TOP3B: variants seen among roughly 807,000 people sequenced by gnomAD.
TOP3B encodes the protein DNA topoisomerase 3-beta-1.
In TOP3B, 45 loss-of-function variants were observed where a neutral mutation model predicts 93.9. The ratio of observed to expected loss-of-function variants is 0.48; its 90% confidence interval spans 0.38 to 0.61. The LOEUF (loss-of-function observed/expected upper bound fraction) is 0.61, where lower values mean the gene tolerates loss of function less well. TOP3B is among the 20% of genes least tolerant of loss of function. The pLI is 0.00. For missense variants in TOP3B, 750 were observed against 1,156.1 expected (o/e 0.65, Z 5.09); for synonymous variants, 357 against 472.6 (o/e 0.76, Z 3.17).
At chr22:21,966,913 G>A (rs1359563276) in intron 8 of TOP3B, 1 of 152,770 alleles carries the variant, frequency 6.5e-6, no homozygotes, top group Non-Finnish European at 1.5e-5. Flanking sequence ...AGTTTCAGAT[G>A]CCTGAGACGA....
At chr22:21,968,594 G>A in intron 7 of TOP3B, 25 bp downstream of exon 7, 5 of 1,612,924 alleles carry the variant, frequency 3.1e-6, no homozygotes, top group Non-Finnish European at 4.2e-6. Flanking sequence ...GAAAGCCCCA[G>A]CATGAATAGA....
chr22:21,974,664 T>G, intron 2 of TOP3B, 176 bp from the exon 3 acceptor site: 1 of 650,572 alleles, frequency 1.5e-6, no homozygotes, highest in Non-Finnish European at 2.6e-6. Context: ...GGGACGGCGC[T>G]CAGGGAAAAC....
At position 21,971,194 on chromosome 22, in the gene TOP3B, T is replaced by A; in HGVS notation, c.384+683A>T. On this transcript the variant is annotated intron_variant, in intron 5 of 17. Coordinates refer to ENST00000357179, the MANE Select transcript of TOP3B (RefSeq NM_001282112.2). This position sits in a 1 kb window ranked among gnomAD's most constrained non-coding sequence, Gnocchi z 4.6. ...AGAGTGTGATCGCATTTGCTGAGGG[T>A]GCTGTACTGCAACGCCAGGTGCCTC... The A allele has an allele frequency of 6.3e-6, 3 of 477,380 alleles. No individual in the cohort carries two copies. Among genetic ancestry groups the A allele is most frequent in the Non-Finnish European group, 1.0e-5 (3 of 287,752 alleles). 29.6% of individuals were successfully genotyped at this position (477,380 alleles called of 1,614,324 possible). A position where few individuals can be genotyped will look rare whatever the true frequency, so the allele number is the denominator to read the frequency against.
intron 1 of TOP3B, among the ~76,000 whole-genome samples, chr22:21,980,765 C>G (rs1555946676): frequency 6.6e-6 from 1 of 152,230 alleles, no homozygotes; most frequent in Non-Finnish European, 1.5e-5. Flanking sequence ...CACTTTTCCC[C>G]CTTAGTCTAC....
At chr22:21,972,024 C>T (rs775625193) in intron 4 of TOP3B, 73 bp from the exon 5 acceptor site, 2 of 1,367,472 alleles carry the variant, frequency 1.5e-6, no homozygotes, top group Non-Finnish European at 2.0e-6. Flanking sequence ...GTGCTCCCAT[C>T]CAGGACAGGG....
In TOP3B at chr22:21,971,620, C is replaced by G. The variant is rs948977502; in HGVS notation, c.384+257G>C. ...ATTCTGAAACCTGCATCCACCCAGA[C>G]AATTTGGCCCCTCCTATGTTCACTC... On this transcript the variant is annotated intron_variant, in intron 5 of 17. Coordinates refer to ENST00000357179, the MANE Select transcript of TOP3B (RefSeq NM_001282112.2). The surrounding 1 kb of genome is among the most constrained non-coding windows in gnomAD (Gnocchi z 4.6). 6 of 521,338 alleles carry G rather than the reference C, an allele frequency of 1.2e-5. No individual in the cohort carries two copies. Among genetic ancestry groups the G allele is most frequent in the Non-Finnish European group, 2.1e-5 (6 of 284,962 alleles). The allele number at this position is 521,338 out of a possible 1,614,324, so 32.3% of individuals were successfully genotyped here.
chr22:21,970,267 G>A lies in TOP3B; in HGVS notation c.524C>T (p.Ala175Val). ...CTCCTGGCGAGCATCCACTGAGAGCGCCTCGTTGTGGTCAGGCTCGCCTAG... is the reference window on the plus strand; with the variant it reads ...CTCCTGGCGAGCATCCACTGAGAGCACCTCGTTGTGGTCAGGCTCGCCTAG... ...ACLGEPDHNE[A>V]LSVDARQELD... The change falls in exon 6 of 18, where the codon GCG becomes GTG. Residue 175 changes from alanine (A) to valine (V), a missense_variant. Coordinates refer to ENST00000357179, the MANE Select transcript of TOP3B (RefSeq NM_001282112.2). This position sits in a 1 kb window ranked among gnomAD's most constrained non-coding sequence, Gnocchi z 4.4. 5.6e-6 allele frequency: 9 copies of A among 1,613,862 alleles called. No individual in the cohort carries two copies. The highest frequency in any genetic ancestry group is 6.8e-6 in the Non-Finnish European group (8 of 1,180,038).
chr22:21,967,453 TA>T (rs1270079366), intron 8 of TOP3B, 149 bp downstream of exon 8: 1 of 655,352 alleles, frequency 1.5e-6, no homozygotes, highest in African/African-American at 1.8e-5. Flanking sequence ...TATGAGGGAG[TA>T]ACCATTCAGC....
intron 1 of TOP3B, among the ~76,000 whole-genome samples, chr22:21,978,238 A>G (rs903353204): frequency 4.0e-5 from 6 of 151,836 alleles, no homozygotes; most frequent in Non-Finnish European, 7.4e-5. Flanking sequence ...ATGGCGGGAC[A>G]TGGGAGGGGG....
chr22:21,976,878 A>G (rs924388750), intron 1 of TOP3B: 23 of 152,366 alleles, frequency 1.5e-4, no homozygotes, highest in African/African-American at 5.3e-4. Flanking sequence ...GTATTGAGAC[A>G]ACTGGGAAAT....
At chr22:21,957,823 A>T (rs1047184481) in intron 17 of TOP3B, 29 of 1,532,888 alleles carry the variant, frequency 1.9e-5, no homozygotes, top group Non-Finnish European at 2.3e-5. Flanking sequence ...CGCTGGCACC[A>T]TCCCAGTGGG....
chr22:21,965,395 A>G lies in TOP3B; in HGVS notation c.853-20T>C, dbSNP rs2071377539. On this transcript the variant is annotated intron_variant, in intron 8 of 17. Coordinates refer to ENST00000357179, the MANE Select transcript of TOP3B (RefSeq NM_001282112.2). ...CTCCACCTGGAAGACAGGACAGTCA[A>G]TGATTTGGGGAAGGAGGAAGACACC... 6.4e-7 allele frequency: 1 copy of G among 1,563,968 alleles called. No homozygotes were observed. The highest frequency in any genetic ancestry group is 8.7e-7 in the Non-Finnish European group (1 of 1,145,926).
At chr22:21,979,525 G>A (rs2084571230) in intron 1 of TOP3B, among the ~76,000 whole-genome samples, 1 of 152,142 alleles carries the variant, frequency 6.6e-6, no homozygotes, top group Non-Finnish European at 1.5e-5. Flanking sequence ...GTGGCCTCAG[G>A]CTGGGCACGG....
At chr22:21,967,031 T>C (rs556195673) in intron 8 of TOP3B, 4 of 154,572 alleles carry the variant, frequency 2.6e-5, no homozygotes, top group African/African-American at 9.7e-5. Context: ...GTCATGCCTG[T>C]AGCATGTTTA....
intron 13 of TOP3B, chr22:21,961,434 G>A (rs2071177583): frequency 6.6e-6 from 1 of 152,308 alleles, no homozygotes; most frequent in Non-Finnish European, 1.5e-5. Context: ...ACTTGTATTG[G>A]TGATTGGGTC....
rs771605091 is a variant in TOP3B, at chr22:21,971,996, C to G, written c.310-45G>C. The G allele has an allele frequency of 1.3e-6, 2 of 1,553,180 alleles. No homozygotes were observed. Among genetic ancestry groups the G allele is most frequent in the Non-Finnish European group, 1.8e-6 (2 of 1,136,668 alleles). On this transcript the variant is annotated intron_variant, in intron 4 of 17. Transcript: ENST00000357179. This position sits in a 1 kb window ranked among gnomAD's most constrained non-coding sequence, Gnocchi z 4.6. ...CACACGTACCTGCTGCAGACCCGGT[C>G]TGTGCCACCCGCCCCCAGTGCTCCC...
Position 21,970,320 on chromosome 22 carries a change from G to T in TOP3B, c.471C>A (p.Asp157Glu), listed in dbSNP as rs768785125. The T allele has an allele frequency of 2.5e-6, 4 of 1,613,986 alleles. No homozygotes were observed. The Admixed American group carries it at 5.0e-5, about 20-fold the overall frequency. The change falls in exon 6 of 18, where the codon GAC becomes GAA. Residue 157 changes from aspartate (D) to glutamate (E), a missense_variant. Transcript: ENST00000357179. The surrounding 1 kb of genome is among the most constrained non-coding windows in gnomAD (Gnocchi z 4.4). Reference sequence around the variant, plus strand: ...AGGCCATGGCATTACAGATGTCTGTGTCCGTGATGGAGCTAAACCTGGCCC... The same window carrying T: ...AGGCCATGGCATTACAGATGTCTGTTTCCGTGATGGAGCTAAACCTGGCCC... ...VFRARFSSIT[D>E]TDICNAMACL...
In TOP3B at chr22:21,971,705, A is replaced by C. The variant is rs1350181910; in HGVS notation, c.384+172T>G. ...TGACCACCTTTAATAGAGCCTATGC[A>C]GTTAAAAGTATCTGTGGAGTTTCAG... On this transcript the variant is annotated intron_variant, in intron 5 of 17. Coordinates refer to ENST00000357179, the MANE Select transcript of TOP3B (RefSeq NM_001282112.2). The surrounding 1 kb of genome is among the most constrained non-coding windows in gnomAD (Gnocchi z 4.6). The C allele has an allele frequency of 1.4e-6, 1 of 692,456 alleles. No individual in the cohort carries two copies. The highest frequency in any genetic ancestry group is 1.8e-5 in the African/African-American group (1 of 56,936). The allele number at this position is 692,456 out of a possible 1,614,324, so 42.9% of individuals were successfully genotyped here. A position where few individuals can be genotyped will look rare whatever the true frequency, so the allele number is the denominator to read the frequency against.
intron 10 of TOP3B, 27 bp downstream of exon 10, chr22:21,964,134 T>C (rs1465309088): frequency 1.2e-6 from 2 of 1,613,458 alleles, no homozygotes; most frequent in African/African-American, 1.3e-5. Flanking sequence ...CACACACACA[T>C]GCTGAGGCCG....
Sources: gnomAD v4.1 joint callset for allele counts (sites outside exome capture counted in the v4.1 genomes callset) on GRCh38, gnomAD v4.1.1 for gene constraint, Gnocchi (gnomAD v3.1) non-coding constraint, MANE v1.5 for transcripts, NCBI Gene and HGNC (gene_info 2026-07-23, HGNC 2026-07-21) for gene names.